KLHL14: variants seen among roughly 807,000 people sequenced by gnomAD.
KLHL14 encodes the protein kelch like family member 14, also known as kelch-like protein 14.
KLHL14 carries 22 observed loss-of-function variants against 64.3 expected under a neutral mutation model. The observed-to-expected ratio is 0.34, with a 90% confidence interval of 0.24 to 0.49. The LOEUF (loss-of-function observed/expected upper bound fraction) is 0.49, where lower values mean the gene tolerates loss of function less well. KLHL14 is among the 20% of genes least tolerant of loss of function. The pLI, the probability that KLHL14 is intolerant of heterozygous loss-of-function variation, is 0.99. For missense variants in KLHL14, 661 were observed against 789.0 expected (o/e 0.84, Z 1.94); for synonymous variants, 322 against 333.4 (o/e 0.97, Z 0.37).
chr18:32,683,763 C>T lies in KLHL14; in HGVS notation c.1239-3164G>A, dbSNP rs1490427097. 6.6e-6 allele frequency among the ~76,000 whole-genome samples: 1 copy of T among 152,106 alleles called. No individual in the cohort carries two copies. Among genetic ancestry groups the T allele is most frequent in the Non-Finnish European group, 1.5e-5 (1 of 68,020 alleles). On this transcript the variant is annotated intron_variant, in intron 5 of 8. Transcript: ENST00000359358. This position sits in a 1 kb window ranked among gnomAD's most constrained non-coding sequence, Gnocchi z 4.2. ...GCAGATCTTTACAAGTTCTTTCTGGCCCTTGGAGTTGTCAGTTTATATCCT... is the reference window on the plus strand; with the variant it reads ...GCAGATCTTTACAAGTTCTTTCTGGTCCTTGGAGTTGTCAGTTTATATCCT...
intron 2 of KLHL14, among the ~76,000 whole-genome samples, chr18:32,760,365 T>C (rs113070980): frequency 1.2e-4 from 16 of 133,318 alleles, no homozygotes; most frequent in Non-Finnish European, 1.4e-4. Flanking sequence ...CACACACATA[T>C]ACACACACAC....
chr18:32,737,384 G>A (rs1343958101), intron 3 of KLHL14: 1 of 152,088 alleles, frequency 6.6e-6, no homozygotes, highest in Non-Finnish European at 1.5e-5. Flanking sequence ...AGAAACAGAA[G>A]GGCCAAGGAA....
intron 3 of KLHL14, among the ~76,000 whole-genome samples, chr18:32,713,106 T>C (rs920181627): frequency 6.6e-6 from 1 of 152,330 alleles, no homozygotes; most frequent in African/African-American, 2.4e-5. Context: ...CCCAACAGTT[T>C]ATGCTGCTTT....
intron 3 of KLHL14, among the ~76,000 whole-genome samples, chr18:32,722,677 A>AG (rs2050085655): frequency 6.6e-6 from 1 of 152,210 alleles, no homozygotes; most frequent in Non-Finnish European, 1.5e-5. Flanking sequence ...CATCTTAAAA[A>AG]TCAGGCCAGG....
intron 3 of KLHL14, among the ~76,000 whole-genome samples, chr18:32,726,023 A>G (rs2050106196): frequency 6.6e-6 from 1 of 152,218 alleles, no homozygotes; most frequent in Non-Finnish European, 1.5e-5. Flanking sequence ...TACTATCAGT[A>G]TTGTCTCATT....
chr18:32,769,518 G>T, intron 2 of KLHL14, 127 bp downstream of exon 2: 1 of 828,244 alleles, frequency 1.2e-6, no homozygotes, highest in Non-Finnish European at 1.8e-6. Flanking sequence ...GTTTGCGTTT[G>T]TTTTCATCCT....
chr18:32,752,199 G>A lies in KLHL14; in HGVS notation c.948-10150C>T, dbSNP rs746056243. Among the ~76,000 whole-genome samples, 26 of 152,280 alleles carry A rather than the reference G, an allele frequency of 1.7e-4. No homozygotes were observed. The South Asian group carries it at 2.9e-3, about 17-fold the overall frequency. ...GGTGGGCAGACTAAAAGCCCCATAA[G>A]CCCCAAGGATCAGTGGGATTACAAA... is the stretch of plus-strand genomic sequence containing the variant. On this transcript the variant is annotated intron_variant, in intron 2 of 8. Transcript: ENST00000359358.
At chr18:32,748,396 G>C (rs937362598) in intron 2 of KLHL14, among the ~76,000 whole-genome samples, 1 of 149,396 alleles carries the variant, frequency 6.7e-6, no homozygotes, top group Non-Finnish European at 1.5e-5. Flanking sequence ...TTGAGATGGA[G>C]TATCGCTCTG....
chr18:32,755,431 G>A (rs372485450), intron 2 of KLHL14, among the ~76,000 whole-genome samples: 2 of 152,076 alleles, frequency 1.3e-5, no homozygotes, highest in Non-Finnish European at 2.9e-5. Context: ...CTAGGGACCC[G>A]AATTTCATCT....
At chr18:32,764,706 T>C (rs1476651674) in intron 2 of KLHL14, among the ~76,000 whole-genome samples, 1 of 152,194 alleles carries the variant, frequency 6.6e-6, no homozygotes, top group Non-Finnish European at 1.5e-5. Context: ...AAATGCAGTT[T>C]TACTGTAACA....
intron 2 of KLHL14, among the ~76,000 whole-genome samples, chr18:32,762,488 T>G (rs571632289): frequency 1.1e-4 from 16 of 152,146 alleles, no homozygotes; most frequent in Non-Finnish European, 2.2e-4. Context: ...CTTTTTCTCA[T>G]TACCCTATAA....
At chr18:32,756,232 GAAA>G (rs1263473991) in intron 2 of KLHL14, among the ~76,000 whole-genome samples, 1 of 152,186 alleles carries the variant, frequency 6.6e-6, no homozygotes, top group African/African-American at 2.4e-5. Flanking sequence ...TAAGCACAGA[GAAA>G]AGGCCATGTG....
At chr18:32,720,830 T>C (rs1463880039) in intron 3 of KLHL14, among the ~76,000 whole-genome samples, 2 of 152,192 alleles carry the variant, frequency 1.3e-5, no homozygotes, top group Admixed American at 1.3e-4. Context: ...TGAATGTCTC[T>C]GGACCAGAAG....
chr18:32,759,640 C>T (rs2050303370), intron 2 of KLHL14, among the ~76,000 whole-genome samples: 2 of 152,062 alleles, frequency 1.3e-5, no homozygotes, highest in Admixed American at 1.3e-4. Context: ...ATTTGTCTAA[C>T]TTTCAGGTCT....
chr18:32,687,268 A>G (rs2049884131), intron 4 of KLHL14, 35 bp from the exon 5 acceptor site: 1 of 1,539,142 alleles, frequency 6.5e-7, no homozygotes, highest in African/African-American at 1.4e-5. Context: ...TAAAACTTAG[A>G]TTCTTTTGTT....
intron 2 of KLHL14, among the ~76,000 whole-genome samples, chr18:32,759,190 G>C (rs2050300812): frequency 6.6e-6 from 1 of 152,150 alleles, no homozygotes; most frequent in African/African-American, 2.4e-5. Flanking sequence ...CAAAAGGATG[G>C]AATAAAATTC....
intron 3 of KLHL14, among the ~76,000 whole-genome samples, chr18:32,696,563 A>G (rs1324263396): frequency 6.6e-6 from 1 of 152,178 alleles, no homozygotes; most frequent in Non-Finnish European, 1.5e-5. Flanking sequence ...TGGGGAGGTG[A>G]TGTGCATGTT....
rs115051471 is a variant in KLHL14 at position 32,714,054 on chromosome 18, C to T, written c.1070-18502G>A. Among the ~76,000 whole-genome samples, 351 of 152,128 alleles carry T rather than the reference C, an allele frequency of 2.3e-3. 2 individuals are homozygous for T. Among genetic ancestry groups the T allele is most frequent in the African/African-American group, 8.0e-3 (331 of 41,488 alleles). Reference sequence around the variant, plus strand: ...ATATTTGTTGATGAAAATTATGTAACAAGTAAATTATTGATAATTTAGTAA... The same window carrying T: ...ATATTTGTTGATGAAAATTATGTAATAAGTAAATTATTGATAATTTAGTAA... On this transcript the variant is annotated intron_variant, in intron 3 of 8. Transcript: ENST00000359358.
At chr18:32,761,722 T>C (rs903557763) in intron 2 of KLHL14, among the ~76,000 whole-genome samples, 1 of 152,180 alleles carries the variant, frequency 6.6e-6, no homozygotes, top group African/African-American at 2.4e-5. Flanking sequence ...TTGCATGCAG[T>C]CAGAAATGTG....
Sources: allele counts gnomAD v4.1 joint callset (sites outside exome capture counted in the v4.1 genomes callset), GRCh38; gene constraint gnomAD v4.1.1; non-coding constraint Gnocchi (gnomAD v3.1); transcripts MANE v1.5; gene names NCBI Gene and HGNC (gene_info 2026-07-23, HGNC 2026-07-21).